Variants in USH2A observed in about 807,000 individuals in gnomAD.
The protein encoded by USH2A is Usher syndrome 2A (autosomal recessive, mild).
USH2A carries 443 observed loss-of-function variants against 538.9 expected under a neutral mutation model. The ratio of observed to expected loss-of-function variants is 0.82; its 90% CI spans 0.76 to 0.89. USH2A has a LOEUF of 0.89. USH2A is among the 40% of genes least tolerant of loss of function. The pLI is 0.00. For synonymous variants in USH2A, 2,413 were observed against 2,273.5 expected (o/e 1.06, Z -1.75); for missense variants, 6,633 against 6,324.8 (o/e 1.05, Z -1.65).
At position 216,083,555 on chromosome 1, in the gene USH2A, A is replaced by C. The variant is rs1468225975; in HGVS notation, c.5199T>G (p.His1733Gln). The change falls in exon 26 of 72, where the codon CAT becomes CAG. Residue 1733 changes from histidine (H) to glutamine (Q), a missense_variant. Physicochemically the swap from His to Gln is conservative, Grantham distance 24. Coordinates refer to ENST00000307340, the MANE Select transcript of USH2A (RefSeq NM_206933.4). ...GFLELHPYMF[H>Q]GGMNFEISFK... ...AGGAAATCTCAAAGTTCATTCCACC[A>C]TGAAACATATATGGATGAAGTTCCA... 1 of 1,612,308 alleles carries C rather than the reference A, an allele frequency of 6.2e-7. No homozygotes were observed. Among genetic ancestry groups the C allele is most frequent in the East Asian group, 2.2e-5 (1 of 44,744 alleles).
At chr1:215,798,094 T>G (rs1168783268) in intron 50 of USH2A, among the ~76,000 whole-genome samples, 2 of 152,116 alleles carry the variant, frequency 1.3e-5, no homozygotes, top group Admixed American at 1.3e-4. Context: ...TAACTGCAGA[T>G]GCAGTGGAAA....
intron 3 of USH2A, among the ~76,000 whole-genome samples, chr1:216,378,329 T>C (rs2038873942): frequency 6.6e-6 from 1 of 152,178 alleles, no homozygotes; most frequent in South Asian, 2.1e-4. Context: ...TTACATCTCC[T>C]AAGACTTACA....
intron 11 of USH2A, among the ~76,000 whole-genome samples, chr1:216,266,582 A>C (rs2102574385): frequency 6.6e-6 from 1 of 152,248 alleles, no homozygotes; most frequent in East Asian, 1.9e-4. Flanking sequence ...AAAGAAAGTA[A>C]ACAGACAACA....
In USH2A at chr1:215,671,220, C is replaced by T. The variant is rs906152033; in HGVS notation, c.13885G>A (p.Glu4629Lys). The T allele has an allele frequency of 5.0e-6, 8 of 1,613,950 alleles. No individual in the cohort carries two copies. Among genetic ancestry groups the T allele is most frequent in the Admixed American group, 1.7e-5 (1 of 59,996 alleles). ...GGGGGTTGCATCAAAGGTGCAATCT[C>T]AGGGGTCTGTATGAATGTCCAGTCA... ...SSDWTFIQTP[E>K]IAPLMQPPPH... The change falls in exon 64 of 72, where the codon GAG becomes AAG. Residue 4629 changes from glutamate to lysine, a missense_variant. Physicochemically the swap from Glu to Lys is moderately conservative, Grantham distance 56. Coordinates refer to ENST00000307340, the MANE Select transcript of USH2A (RefSeq NM_206933.4).
intron 9 of USH2A, among the ~76,000 whole-genome samples, chr1:216,302,739 A>G (rs992877220): frequency 6.6e-6 from 1 of 152,130 alleles, no homozygotes; most frequent in Non-Finnish European, 1.5e-5. Flanking sequence ...AGTAATGCCT[A>G]GTCTAATTCT....
intron 21 of USH2A, among the ~76,000 whole-genome samples, chr1:216,114,585 G>GT (rs1290689296): frequency 1.3e-5 from 2 of 152,108 alleles, no homozygotes; most frequent in Admixed American, 6.6e-5. Flanking sequence ...TCTGTGAAAG[G>GT]TAAGTAAAGC....
intron 21 of USH2A, among the ~76,000 whole-genome samples, chr1:216,162,167 A>G (rs1363715464): frequency 6.6e-6 from 1 of 151,622 alleles, no homozygotes; most frequent in Non-Finnish European, 1.5e-5. Flanking sequence ...GTCCTCAAAT[A>G]CCTCATTGTT....
chr1:215,816,810 T>C (rs1662868525), intron 48 of USH2A, among the ~76,000 whole-genome samples, 187 bp downstream of exon 48: 1 of 152,062 alleles, frequency 6.6e-6, no homozygotes, highest in Non-Finnish European at 1.5e-5. Context: ...TAATAAAAAA[T>C]GGGAAGGCTA....
intron 25 of USH2A, among the ~76,000 whole-genome samples, chr1:216,083,987 G>C (rs1379002077): frequency 6.6e-6 from 1 of 152,088 alleles, no homozygotes; most frequent in South Asian, 2.1e-4. Flanking sequence ...TGTGCTGAAG[G>C]CAGTTTAAGC....
chr1:216,339,913 C>T lies in USH2A; in HGVS notation c.785-12259G>A, dbSNP rs1208978106. On this transcript the variant is annotated intron_variant, in intron 4 of 71. Coordinates refer to ENST00000307340, the MANE Select transcript of USH2A (RefSeq NM_206933.4). ...ATCTCGAATTGACACTCTAGTGTCA[C>T]AATTAAAAGAACTAGAGAAGCAAGA... is the stretch of plus-strand genomic sequence containing the variant. Among the ~76,000 whole-genome samples, 5 of 151,434 alleles carry T rather than the reference C, an allele frequency of 3.3e-5. No individual in the cohort carries two copies. The East Asian group carries it at 9.7e-4, about 29-fold the overall frequency.
intron 61 of USH2A, among the ~76,000 whole-genome samples, chr1:215,704,847 T>C (rs2102692963): frequency 6.6e-6 from 1 of 152,330 alleles, no homozygotes; most frequent in Admixed American, 6.5e-5. Context: ...GTCTCTCTTC[T>C]CTGTTCTTTC....
chr1:216,347,879 T>C (rs1250053110), intron 4 of USH2A, among the ~76,000 whole-genome samples: 1 of 152,104 alleles, frequency 6.6e-6, no homozygotes, highest in African/African-American at 2.4e-5. Flanking sequence ...ACTTTGAAGA[T>C]TGTGACATTA....
At chr1:215,788,557 A>C (rs1296790762) in intron 51 of USH2A, among the ~76,000 whole-genome samples, 2 of 152,228 alleles carry the variant, frequency 1.3e-5, no homozygotes, top group Non-Finnish European at 2.9e-5. Context: ...CTCATCACAA[A>C]AATGGAAAAC....
chr1:215,730,062 T>C (rs932352223), intron 60 of USH2A, among the ~76,000 whole-genome samples: 1 of 152,238 alleles, frequency 6.6e-6, no homozygotes, highest in Middle Eastern at 3.2e-3. Context: ...TTAGATTTTG[T>C]TGATAGGGAA....
intron 14 of USH2A, among the ~76,000 whole-genome samples, chr1:216,220,900 C>T (rs750050436): frequency 4.6e-4 from 70 of 152,100 alleles, no homozygotes; most frequent in South Asian, 8.3e-4. Context: ...ACATAAAGAA[C>T]GAAGGAGAAA....
intron 13 of USH2A, among the ~76,000 whole-genome samples, chr1:216,236,943 A>T (rs1199220848): frequency 1.3e-5 from 2 of 152,202 alleles, no homozygotes; most frequent in Non-Finnish European, 2.9e-5. Flanking sequence ...CTAAGAATCA[A>T]ATCCAATAAC....
intron 61 of USH2A, among the ~76,000 whole-genome samples, chr1:215,713,006 C>T (rs1450310485): frequency 1.3e-5 from 2 of 152,082 alleles, no homozygotes; most frequent in African/African-American, 4.8e-5. Context: ...GGGGTTTTGC[C>T]ATGTTGGCCA....
chr1:215,670,829 T>C (rs147378965), intron 64 of USH2A, 143 bp downstream of exon 64: 9 of 845,502 alleles, frequency 1.1e-5, no homozygotes, highest in Middle Eastern at 3.5e-4. Flanking sequence ...CATTTACCAC[T>C]TAAAAATTTT....
At chr1:216,149,966 C>A (rs367673766) in intron 21 of USH2A, among the ~76,000 whole-genome samples, 8 of 152,114 alleles carry the variant, frequency 5.3e-5, no homozygotes, top group Admixed American at 5.2e-4. Flanking sequence ...CCCCCACTTC[C>A]CTTAAACTCA....
Sources: gnomAD v4.1 joint callset for allele counts (sites outside exome capture counted in the v4.1 genomes callset) on GRCh38, gnomAD v4.1.1 for gene constraint, MANE v1.5 for transcripts, NCBI Gene and HGNC (gene_info 2026-07-23, HGNC 2026-07-21) for gene names.